SYNE1: variants seen among roughly 807,000 people sequenced by gnomAD.
SYNE1 encodes the protein nesprin-1.
In SYNE1, 616 loss-of-function variants were observed where a neutral mutation model predicts 1,111.0. The ratio of observed to expected loss-of-function variants is 0.55; its 90% CI spans 0.52 to 0.59. The LOEUF (loss-of-function observed/expected upper bound fraction) is 0.59. Among genes scored for constraint, SYNE1 ranks in the 20% least tolerant of loss-of-function variants. SYNE1 has a pLI of 0.00. For missense variants in SYNE1, 10,006 were observed against 10,417.0 expected (o/e 0.96, Z 1.72); for synonymous variants, 3,855 against 3,825.8 (o/e 1.01, Z -0.28).
chr6:152,603,083 C>A (rs545976591), intron 3 of SYNE1, among the ~76,000 whole-genome samples: 15 of 152,230 alleles, frequency 9.9e-5, no homozygotes, highest in African/African-American at 3.6e-4. Context: ...AGATCACTAG[C>A]CTGCAGGTGA....
At chr6:152,145,283 GTTACT>G (rs1489851998) in intron 137 of SYNE1, 3 of 625,300 alleles carry the variant, frequency 4.8e-6, no homozygotes, top group Non-Finnish European at 8.6e-6. Context: ...AAGTTGAGAA[GTTACT>G]TTATTTCGCT....
At position 152,262,107 on chromosome 6, in the gene SYNE1, C is replaced by T. The variant is rs145560923; in HGVS notation, c.18897G>A (p.Trp6299Ter). The change falls in exon 101 of 146, where the codon TGG becomes TGA. Residue 6299 changes from tryptophan to a stop codon, truncating the protein, a stop_gained. Coordinates refer to ENST00000367255, the MANE Select transcript of SYNE1 (RefSeq NM_182961.4). LOFTEE classifies it high-confidence loss of function. ...SSAEDQMRMK[W>*]ESLHQEFSTK... ...TACTAAATTCTTGATGTAGGCTTTC[C>T]CATTTCATTCTCATCTGGTCTTCAG... 1 of 1,613,810 alleles carries T rather than the reference C, an allele frequency of 6.2e-7. No individual in the cohort carries two copies. Among genetic ancestry groups the T allele is most frequent in the Non-Finnish European group, 8.5e-7 (1 of 1,179,882 alleles).
chr6:152,364,809 T>A (rs1359198308), intron 63 of SYNE1, 38 bp downstream of exon 63: 1 of 1,613,944 alleles, frequency 6.2e-7, no homozygotes, highest in African/African-American at 1.3e-5. Flanking sequence ...GATCTTTTAG[T>A]AATAGCTTCC....
At chr6:152,139,872 A>G (rs1374713474) in intron 140 of SYNE1, 78 bp downstream of exon 140, 13 of 1,505,352 alleles carry the variant, frequency 8.6e-6, no homozygotes, top group Non-Finnish European at 1.2e-5. Flanking sequence ...AGCAGCTCGA[A>G]CTAGAGGTGC....
chr6:152,309,241 G>C (rs529154723), intron 90 of SYNE1, among the ~76,000 whole-genome samples: 1 of 152,250 alleles, frequency 6.6e-6, no homozygotes, highest in South Asian at 2.1e-4. Context: ...ATAACAGGGA[G>C]GAAAGGGTAG....
intron 3 of SYNE1, among the ~76,000 whole-genome samples, chr6:152,619,470 G>C (rs2099670558): frequency 1.2e-5 from 1 of 84,064 alleles, no homozygotes; most frequent in South Asian, 3.5e-4. Context: ...AGTTTACAAT[G>C]TTCCAGACAA....
At position 152,444,513 on chromosome 6, in the gene SYNE1, G is replaced by C. The variant is rs758375991; in HGVS notation, c.3735C>G (p.Leu1245=). The C allele has an allele frequency of 5.0e-6, 8 of 1,613,404 alleles. No homozygotes were observed. Among genetic ancestry groups the C allele is most frequent in the Non-Finnish European group, 6.8e-6 (8 of 1,179,780 alleles). ...CTTTAGAGCCAGAAATTAATTCTTC[G>C]AGAGAATTTTTGACTATTTCTTTGT... ...VQYKEIVKNS[L]EELISGSKEV... Residue 1245 remains leucine (L), a synonymous_variant, in exon 30 of 146, where the codon CTC becomes CTG. Coordinates refer to ENST00000367255, the MANE Select transcript of SYNE1 (RefSeq NM_182961.4).
At chr6:152,390,606 G>A (rs991884637) in intron 52 of SYNE1, among the ~76,000 whole-genome samples, 154 bp from the exon 53 acceptor site, 1 of 152,022 alleles carries the variant, frequency 6.6e-6, no homozygotes, top group African/African-American at 2.4e-5. Flanking sequence ...ATATAATATT[G>A]ACTCAAAATT....
chr6:152,383,374 T>C (rs2097460572), intron 55 of SYNE1, among the ~76,000 whole-genome samples: 1 of 152,236 alleles, frequency 6.6e-6, no homozygotes, highest in African/African-American at 2.4e-5. Flanking sequence ...TGCCATTTAC[T>C]CCTAAATCCA....
intron 66 of SYNE1, among the ~76,000 whole-genome samples, chr6:152,358,163 C>T (rs1011468784): frequency 1.3e-5 from 2 of 152,210 alleles, no homozygotes; most frequent in Non-Finnish European, 1.5e-5. Flanking sequence ...AGTGCTAGTC[C>T]TGTCCTACCT....
intron 32 of SYNE1, among the ~76,000 whole-genome samples, chr6:152,437,199 G>T (rs150933140): frequency 0.018 from 2,697 of 152,202 alleles, 36 homozygotes; most frequent in Non-Finnish European, 0.02. Context: ...TTGTTAACTA[G>T]TTCTCTGAAA....
chr6:152,275,892 A>C (rs578043416), intron 98 of SYNE1, among the ~76,000 whole-genome samples: 131 of 151,460 alleles, frequency 8.6e-4, no homozygotes, highest in African/African-American at 3.1e-3. Flanking sequence ...AAAAAAAAAA[A>C]ACAAAAAAAA....
chr6:152,408,955 C>T, intron 44 of SYNE1, 113 bp downstream of exon 44: 4 of 888,016 alleles, frequency 4.5e-6, no homozygotes, highest in South Asian at 3.4e-5. Context: ...ACTCTGTCTC[C>T]AAAAAAAAAA....
In SYNE1 at chr6:152,239,999, A is replaced by G. The variant is rs139013252; in HGVS notation, c.19894-293T>C. ...CTTGAACCTGGGAGGCCGAGGTTGC[A>G]GTGAGCCAAGATCGTGCCACTGCAC... On this transcript the variant is annotated intron_variant, in intron 107 of 145. Transcript: ENST00000367255. 1.2e-4 allele frequency among the ~76,000 whole-genome samples: 18 copies of G among 152,330 alleles called. No homozygotes were observed. In the East Asian group the frequency reaches 3.5e-3, roughly 29 times the overall value.
At chr6:152,359,779 A>G (rs927850581) in intron 64 of SYNE1, among the ~76,000 whole-genome samples, 3 of 151,532 alleles carry the variant, frequency 2.0e-5, no homozygotes, top group African/African-American at 7.3e-5. Context: ...CCCTATCCCT[A>G]TTCTACCCCA....
chr6:152,567,001 G>C (rs910855906), intron 3 of SYNE1, among the ~76,000 whole-genome samples: 5 of 151,576 alleles, frequency 3.3e-5, no homozygotes, highest in Non-Finnish European at 7.4e-5. Flanking sequence ...GTGTGTGTGT[G>C]TGTGTGTGTG....
intron 72 of SYNE1, among the ~76,000 whole-genome samples, chr6:152,347,632 T>C (rs2096660442): frequency 6.6e-6 from 1 of 151,396 alleles, no homozygotes; most frequent in Admixed American, 6.6e-5. Flanking sequence ...CTTTATATAA[T>C]ATCTTATTTC....
rs139854030 is a variant in SYNE1, at chr6:152,512,085, A to AT, written c.310-983dup. On this transcript the variant is annotated intron_variant, in intron 6 of 145. Transcript: ENST00000367255. ...TAATAAAAAGCTCAGATGTTTGTAC[A>AT]TTTTTTTTATTTAAATTTGTGTCAG... 1.6e-4 allele frequency among the ~76,000 whole-genome samples: 24 copies of AT among 151,992 alleles called. 1 individual carries two copies. In the South Asian group the frequency reaches 2.5e-3, roughly 16 times the overall value.
At chr6:152,512,904 A>G (rs1472812554) in intron 6 of SYNE1, among the ~76,000 whole-genome samples, 2 of 152,166 alleles carry the variant, frequency 1.3e-5, no homozygotes, top group Non-Finnish European at 2.9e-5. Flanking sequence ...GAATTTCCAG[A>G]AGCCAGAAGG....
Sources: gnomAD v4.1 joint callset for allele counts (sites outside exome capture counted in the v4.1 genomes callset) on GRCh38, gnomAD v4.1.1 for gene constraint, MANE v1.5 for transcripts, NCBI Gene and HGNC (gene_info 2026-07-23, HGNC 2026-07-21) for gene names.